The following CACNA2D3 variants were observed in gnomAD, a reference collection of about 807,000 sequenced individuals.
CACNA2D3 encodes the protein calcium voltage-gated channel auxiliary subunit alpha2delta 3.
In CACNA2D3, 60 loss-of-function variants were observed where a neutral mutation model predicts 160.6. The observed-to-expected ratio is 0.37, with a 90% CI of 0.30 to 0.46. The LOEUF is 0.46. CACNA2D3 is among the 20% of genes least tolerant of loss of function. The pLI, the probability that CACNA2D3 is intolerant of heterozygous loss-of-function variation, is 1.00. For missense variants in CACNA2D3, 1,205 were observed against 1,365.0 expected (o/e 0.88, Z 1.85); for synonymous variants, 558 against 492.9 (o/e 1.13, Z -1.75).
intron 17 of CACNA2D3, among the ~76,000 whole-genome samples, chr3:54,849,150 A>G (rs1391859193): frequency 6.6e-6 from 1 of 152,164 alleles, no homozygotes; most frequent in African/African-American, 2.4e-5. Flanking sequence ...AGCTTGGCCA[A>G]CTGTGGTCTA....
At chr3:54,943,407 GT>G (rs1424375305) in intron 27 of CACNA2D3, among the ~76,000 whole-genome samples, 1 of 151,980 alleles carries the variant, frequency 6.6e-6, no homozygotes, top group Non-Finnish European at 1.5e-5. Context: ...TTAATACATG[GT>G]GCTTTGGACT....
intron 2 of CACNA2D3, among the ~76,000 whole-genome samples, chr3:54,135,717 C>T (rs1461495818): frequency 6.6e-6 from 1 of 152,192 alleles, no homozygotes; most frequent in Non-Finnish European, 1.5e-5. Flanking sequence ...ATCTGATGCC[C>T]ACCTTGCACA....
At chr3:54,359,157 A>G (rs928287578) in intron 3 of CACNA2D3, among the ~76,000 whole-genome samples, 2 of 152,188 alleles carry the variant, frequency 1.3e-5, no homozygotes, top group South Asian at 2.1e-4. Context: ...TCTGTCCTCA[A>G]AATAGGTCTA....
chr3:54,732,795 C>T (rs774622035), intron 11 of CACNA2D3, among the ~76,000 whole-genome samples: 29 of 152,160 alleles, frequency 1.9e-4, no homozygotes, highest in African/African-American at 3.9e-4. Context: ...AAGGCTTCCA[C>T]GTTGTGGTCA....
intron 27 of CACNA2D3, among the ~76,000 whole-genome samples, chr3:54,933,220 G>A (rs890257552): frequency 2.0e-5 from 3 of 152,124 alleles, no homozygotes; most frequent in African/African-American, 7.2e-5. Flanking sequence ...CATTAATCAT[G>A]TATTTAATGC....
intron 35 of CACNA2D3, among the ~76,000 whole-genome samples, chr3:55,060,089 C>T (rs1245575437): frequency 1.3e-5 from 2 of 152,006 alleles, no homozygotes; most frequent in East Asian, 3.9e-4. Context: ...AAGGTGGGGC[C>T]TTTGTCAGGG....
chr3:54,460,940 G>T (rs956925360), intron 4 of CACNA2D3, among the ~76,000 whole-genome samples: 3 of 152,144 alleles, frequency 2.0e-5, no homozygotes, highest in African/African-American at 7.2e-5. Context: ...ATTATTTTGA[G>T]ATACGTCCCA....
chr3:54,478,683 T>TATATATATATATATA, intron 4 of CACNA2D3, among the ~76,000 whole-genome samples: 1 of 139,874 alleles, frequency 7.1e-6, no homozygotes, highest in Admixed American at 7.1e-5. Flanking sequence ...TATATATTGC[T>TATATATATATATATA]TGTCATTCTG....
chr3:54,598,126 C>T (rs1191680868), intron 9 of CACNA2D3, among the ~76,000 whole-genome samples: 2 of 148,560 alleles, frequency 1.3e-5, no homozygotes, highest in Admixed American at 7.0e-5. Context: ...ACTATCTCTA[C>T]TAAAAAAAAA....
chr3:55,003,125 A>G (rs1703018742), intron 31 of CACNA2D3, among the ~76,000 whole-genome samples: 1 of 152,200 alleles, frequency 6.6e-6, no homozygotes, highest in Non-Finnish European at 1.5e-5. Context: ...CAGTAAGTGC[A>G]CTCAACATTA....
At chr3:54,340,451 G>A (rs1481438905) in intron 3 of CACNA2D3, among the ~76,000 whole-genome samples, 4 of 152,082 alleles carry the variant, frequency 2.6e-5, no homozygotes, top group Admixed American at 6.6e-5. Context: ...AACATATTTT[G>A]TCAAGGTCAG....
At chr3:54,919,600 C>T (rs1366105157) in intron 27 of CACNA2D3, among the ~76,000 whole-genome samples, 2 of 151,710 alleles carry the variant, frequency 1.3e-5, no homozygotes, top group African/African-American at 2.4e-5. Context: ...TGCTGTTGGT[C>T]GGGGGAATTT....
intron 6 of CACNA2D3, among the ~76,000 whole-genome samples, chr3:54,567,776 C>A (rs773829640): frequency 5.9e-5 from 9 of 152,154 alleles, no homozygotes; most frequent in Non-Finnish European, 1.2e-4. Context: ...CCTCATGATC[C>A]ACCTTGGCCT....
intron 4 of CACNA2D3, among the ~76,000 whole-genome samples, chr3:54,402,125 C>G (rs1048482439): frequency 1.3e-5 from 2 of 151,774 alleles, no homozygotes; most frequent in Non-Finnish European, 2.9e-5. Context: ...AAACCTATAG[C>G]ATATATACCA....
intron 11 of CACNA2D3, among the ~76,000 whole-genome samples, chr3:54,741,974 C>T (rs1174291416): frequency 6.6e-6 from 1 of 151,986 alleles, no homozygotes; most frequent in Non-Finnish European, 1.5e-5. Context: ...ACTACTGCCC[C>T]CGACAATTCA....
At position 55,009,427 on chromosome 3, in the gene CACNA2D3, C is replaced by T. The variant is rs754761672; in HGVS notation, c.2859C>T (p.Ser953=). 18 of 1,613,714 alleles carry T rather than the reference C, an allele frequency of 1.1e-5. No individual in the cohort carries two copies. Among genetic ancestry groups the T allele is most frequent in the Middle Eastern group, 1.6e-4 (1 of 6,082 alleles). The change falls in exon 34 of 38, where the codon TCC becomes TCT. Residue 953 remains serine (S), a synonymous_variant. Coordinates refer to ENST00000474759, the MANE Select transcript of CACNA2D3 (RefSeq NM_018398.3). The part of the protein sequence containing the change: ...VEFNLCSWWH[S]DMTAKAQKLK... ...TTAACCTCTGCAGTTGGTGGCACTC[C>T]GATATGACAGCTAAAGGTGAGCAGC...
At chr3:54,380,337 A>G (rs947178936) in intron 3 of CACNA2D3, among the ~76,000 whole-genome samples, 1 of 152,208 alleles carries the variant, frequency 6.6e-6, no homozygotes, top group Non-Finnish European at 1.5e-5. Flanking sequence ...ACTTCTGTAG[A>G]CTGTCAGCAT....
chr3:54,408,016 A>G (rs1482792078), intron 4 of CACNA2D3, among the ~76,000 whole-genome samples: 1 of 152,184 alleles, frequency 6.6e-6, no homozygotes, highest in Non-Finnish European at 1.5e-5. Context: ...TGTACTGTGA[A>G]TATGGCCCTG....
intron 3 of CACNA2D3, among the ~76,000 whole-genome samples, chr3:54,371,227 T>C (rs1698920882): frequency 6.6e-6 from 1 of 152,180 alleles, no homozygotes; most frequent in East Asian, 1.9e-4. Flanking sequence ...CTTGGGTGTG[T>C]ATCTAGGAGT....
Sources: gnomAD v4.1 joint callset for allele counts (sites outside exome capture counted in the v4.1 genomes callset) on GRCh38, gnomAD v4.1.1 for gene constraint, MANE v1.5 for transcripts, NCBI Gene and HGNC (gene_info 2026-07-23, HGNC 2026-07-21) for gene names.